Variants in BMI1 observed in about 807,000 individuals in gnomAD.
BMI1 encodes polycomb complex protein BMI-1.
BMI1 carries 9 observed loss-of-function variants against 39.1 expected under a neutral mutation model. The ratio of observed to expected loss-of-function variants is 0.23; its 90% CI spans 0.14 to 0.40. The LOEUF is 0.40. Among genes scored for constraint, BMI1 ranks in the 10% least tolerant of loss-of-function variants. The pLI, the probability that BMI1 is intolerant of heterozygous loss-of-function variation, is 1.00. For missense variants in BMI1, 252 were observed against 390.8 expected, an observed-to-expected ratio of 0.64 and a Z score of 2.99; for synonymous variants, 131 against 127.9, an observed-to-expected ratio of 1.02 and a Z score of -0.16.
intron 5 of BMI1, 57 bp downstream of exon 5, chr10:22,327,849 T>C (rs1156305437): frequency 1.3e-5 from 21 of 1,602,348 alleles, no homozygotes; most frequent in Non-Finnish European, 1.7e-5. Context: ...TATCTAGGAA[T>C]TAAAATGTAT....
In BMI1 at chr10:22,331,235, A is replaced by T. The variant is rs891130463; in HGVS notation, c.*1693A>T. On this transcript the variant is annotated 3_prime_UTR_variant, in exon 10 of 10. Coordinates refer to ENST00000376663, the MANE Select transcript of BMI1 (RefSeq NM_005180.9). ...TTCATTTGTAATTGGAAAAAATCCA[A>T]TAAAAAGGATATTCATTTAGAAAAT... 10 of 152,534 alleles carry T rather than the reference A, an allele frequency of 6.6e-5. No individual in the cohort carries two copies. Among genetic ancestry groups the T allele is most frequent in the Non-Finnish European group, 1.3e-4 (9 of 67,988 alleles). 9.4% of individuals were successfully genotyped at this position (152,534 alleles called of 1,614,324 possible).
chr10:22,321,736 GC>G (rs1836003478), intron 1 of BMI1, 40 bp downstream of exon 1: 1 of 148,850 alleles, frequency 6.7e-6, no homozygotes, highest in South Asian at 2.1e-4. Flanking sequence ...GGGGCTGGGG[GC>G]CGGCGGGGGC....
intron 5 of BMI1, 46 bp from the exon 6 acceptor site, chr10:22,327,904 T>C (rs1233747958): frequency 6.3e-7 from 1 of 1,580,770 alleles, no homozygotes; most frequent in Non-Finnish European, 8.6e-7. Context: ...ATAAAATTTA[T>C]TAGGCATCTG....
chr10:22,329,674 T>G lies in BMI1; in HGVS notation c.*132T>G. The G allele has an allele frequency of 8.8e-7, 1 of 1,135,852 alleles. No individual in the cohort carries two copies. Among genetic ancestry groups the G allele is most frequent in the Non-Finnish European group, 1.2e-6 (1 of 823,082 alleles). The allele number at this position is 1,135,852 out of a possible 1,614,324, so 70.4% of individuals were successfully genotyped here. ...GCTTTCTTTTGTAGTGACATTAAAT[T>G]TGGCTATAAAAGATGGACTACATGT... On this transcript the variant is annotated 3_prime_UTR_variant, in exon 10 of 10. Coordinates refer to ENST00000376663, the MANE Select transcript of BMI1 (RefSeq NM_005180.9).
chr10:22,322,047 A>C (rs1180672472), intron 1 of BMI1: 1 of 148,434 alleles, frequency 6.7e-6, no homozygotes, highest in Non-Finnish European at 1.5e-5. Context: ...GCGCGGCCCC[A>C]CGTTTTAGTT....
At chr10:22,329,002 A>G (rs1376694303) in intron 8 of BMI1, 46 bp from the exon 9 acceptor site, 4 of 1,534,490 alleles carry the variant, frequency 2.6e-6, no homozygotes, top group South Asian at 1.2e-5. Flanking sequence ...AAAAATGTAC[A>G]TTTACCTTTG....
chr10:22,327,687 T>G, intron 4 of BMI1, 37 bp downstream of exon 4: 1 of 1,612,468 alleles, frequency 6.2e-7, no homozygotes, highest in Non-Finnish European at 8.5e-7. Context: ...TTAAAGAGAT[T>G]ATTCATTAGT....
intron 2 of BMI1, 37 bp from the exon 3 acceptor site, chr10:22,326,853 T>A: frequency 6.2e-7 from 1 of 1,608,476 alleles, no homozygotes; most frequent in Non-Finnish European, 8.5e-7. Flanking sequence ...TCCACTCATT[T>A]CTAAACATAA....
chr10:22,329,341 C>T lies in BMI1; in HGVS notation c.780C>T (p.Ser260=). 1 of 1,614,150 alleles carries T rather than the reference C, an allele frequency of 6.2e-7. No homozygotes were observed. The highest frequency in any genetic ancestry group is 8.5e-7 in the Non-Finnish European group (1 of 1,180,018). The change falls in exon 10 of 10, where the codon AGC becomes AGT. Residue 260 remains serine, a synonymous_variant. Transcript: ENST00000376663. ...ESDSGSDKAN[S]PAGGIPSTSS... is the part of the protein sequence containing the mutation. ...ACTCTGGGAGTGACAAGGCCAACAG[C>T]CCAGCAGGAGGTATTCCCTCCACCT...
chr10:22,324,732 T>C (rs78923989), intron 1 of BMI1, among the ~76,000 whole-genome samples: 120 of 152,352 alleles, frequency 7.9e-4, no homozygotes, highest in African/African-American at 2.7e-3. Flanking sequence ...CAAGGAAGAT[T>C]TGAGAATGTA....
At chr10:22,327,886 T>A in intron 5 of BMI1, 64 bp from the exon 6 acceptor site, 1 of 1,584,584 alleles carries the variant, frequency 6.3e-7, no homozygotes, top group Admixed American at 1.9e-5. Flanking sequence ...ACTTCCATCC[T>A]CTTATATATA....
In BMI1 at chr10:22,329,579, T is replaced by A; in HGVS notation, c.*37T>A. 6.3e-7 allele frequency: 1 copy of A among 1,592,504 alleles called. No individual in the cohort carries two copies. The highest frequency in any genetic ancestry group is 8.6e-7 in the Non-Finnish European group (1 of 1,168,242). ...GTTAAGGAAAAAAATTTTAAACCCC[T>A]GATTTATATAGATATCTTCATGCCA... On this transcript the variant is annotated 3_prime_UTR_variant, in exon 10 of 10. Coordinates refer to ENST00000376663, the MANE Select transcript of BMI1 (RefSeq NM_005180.9).
At chr10:22,328,483 GTTGGTCACCTCCAAT>G (rs1162535383) in intron 7 of BMI1, 102 bp from the exon 8 acceptor site, 3 of 1,003,364 alleles carry the variant, frequency 3.0e-6, no homozygotes, top group Non-Finnish European at 4.2e-6. Context: ...TAGTTGAGAG[GTTGGTCACCTCCAAT>G]TTTGTTTGAT....
At chr10:22,327,130 AAT>A in intron 3 of BMI1, 144 bp downstream of exon 3, 1 of 943,846 alleles carries the variant, frequency 1.1e-6, no homozygotes, top group Non-Finnish European at 1.5e-6. Context: ...GTAGCCGTTT[AAT>A]TTCTTGCCAT....
rs145011070 is a variant in BMI1, at chr10:22,322,740, A to G, written c.-20+1044A>G. Among the ~76,000 whole-genome samples, 339 of 152,316 alleles carry G rather than the reference A, an allele frequency of 2.2e-3. 4 individuals carry two copies. The Middle Eastern group carries it at 0.034, about 15-fold the overall frequency. On this transcript the variant is annotated intron_variant, in intron 1 of 9. Coordinates refer to ENST00000376663, the MANE Select transcript of BMI1 (RefSeq NM_005180.9). ...ATGACTCCAGTCCACTATCTTTTACAGGTTTTGCTAAATGTCAGCATAGGT... is the reference window on the plus strand; with the variant it reads ...ATGACTCCAGTCCACTATCTTTTACGGGTTTTGCTAAATGTCAGCATAGGT...
Position 22,329,608 on chromosome 10 carries a change from C to A in BMI1, c.*66C>A. 1 of 1,524,610 alleles carries A rather than the reference C, an allele frequency of 6.6e-7. No individual in the cohort carries two copies. The highest frequency in any genetic ancestry group is 8.8e-7 in the Non-Finnish European group (1 of 1,130,462). 94.4% of individuals were successfully genotyped at this position (1,524,610 alleles called of 1,614,324 possible). ...TTATATAGATATCTTCATGCCATTA[C>A]AGCTTTCTAGATGCTAATACATGTG... On this transcript the variant is annotated 3_prime_UTR_variant, in exon 10 of 10. Coordinates refer to ENST00000376663, the MANE Select transcript of BMI1 (RefSeq NM_005180.9).
At chr10:22,322,605 C>T (rs1422521743) in intron 1 of BMI1, among the ~76,000 whole-genome samples, 1 of 152,140 alleles carries the variant, frequency 6.6e-6, no homozygotes, top group African/African-American at 2.4e-5. Flanking sequence ...TGGACGTTAG[C>T]TTTGCTGGAG....
intron 2 of BMI1, 130 bp downstream of exon 2, chr10:22,326,691 C>G (rs925499134): frequency 1.4e-6 from 2 of 1,427,340 alleles, no homozygotes; most frequent in Non-Finnish European, 1.9e-6. Context: ...ATTTTCTTCT[C>G]TTGCATCTAA....
At chr10:22,328,784 A>C (rs1564351125) in intron 8 of BMI1, 86 bp downstream of exon 8, 1 of 1,372,602 alleles carries the variant, frequency 7.3e-7, no homozygotes, top group Non-Finnish European at 9.8e-7. Flanking sequence ...AACCCAAAAA[A>C]GCAATAGAAA....
Sources: allele counts gnomAD v4.1 joint callset (sites outside exome capture counted in the v4.1 genomes callset), GRCh38; gene constraint gnomAD v4.1.1; transcripts MANE v1.5; gene names NCBI Gene and HGNC (gene_info 2026-07-23, HGNC 2026-07-21).